Variants in USP3 observed in about 807,000 individuals in gnomAD.
USP3 encodes ubiquitin carboxyl-terminal hydrolase 3.
In USP3, 20 loss-of-function variants were observed where a neutral mutation model predicts 72.3. The ratio of observed to expected loss-of-function variants is 0.28; its 90% confidence interval spans 0.19 to 0.40. The LOEUF (loss-of-function observed/expected upper bound fraction) is 0.40, where lower values mean the gene tolerates loss of function less well. Among genes scored for constraint, USP3 ranks in the 10% least tolerant of loss-of-function variants. The pLI, the probability that USP3 is intolerant of heterozygous loss-of-function variation, is 1.00. For missense variants in USP3, 479 were observed against 633.9 expected (o/e 0.76, Z 2.62); for synonymous variants, 222 against 225.3 (o/e 0.99, Z 0.13).
At chr15:63,581,741 C>A (rs1378676308) in intron 11 of USP3, among the ~76,000 whole-genome samples, 1 of 150,882 alleles carries the variant, frequency 6.6e-6, no homozygotes, top group Non-Finnish European at 1.5e-5. Flanking sequence ...GTTGCCCAGG[C>A]TAGAGTGCAG....
At position 63,588,048 on chromosome 15, in the gene USP3, A is replaced by G; in HGVS notation, c.1097-257A>G. On this transcript the variant is annotated intron_variant, in intron 11 of 14. Transcript: ENST00000380324. The surrounding 1 kb of genome is among the most constrained non-coding windows in gnomAD (Gnocchi z 4.6). ...GAATTATCCAGATGAATTATCATTAATAGTAAAACCAACACAATTGATCAT... is the reference window on the plus strand; with the variant it reads ...GAATTATCCAGATGAATTATCATTAGTAGTAAAACCAACACAATTGATCAT... The G allele has an allele frequency of 3.3e-6, 1 of 302,148 alleles. No homozygotes were observed. The highest frequency in any genetic ancestry group is 6.1e-6 in the Non-Finnish European group (1 of 164,268). 18.7% of individuals were successfully genotyped at this position (302,148 alleles called of 1,614,324 possible).
At chr15:63,518,077 A>G (rs1346056272) in intron 1 of USP3, among the ~76,000 whole-genome samples, 1 of 152,144 alleles carries the variant, frequency 6.6e-6, no homozygotes, top group Non-Finnish European at 1.5e-5. Context: ...ATCATTTGTA[A>G]TCCTGTTTTT....
intron 3 of USP3, 41 bp downstream of exon 3, chr15:63,537,197 G>T (rs1223412121): frequency 6.3e-7 from 1 of 1,592,598 alleles, no homozygotes; most frequent in East Asian, 2.3e-5. Flanking sequence ...CTTACTGTGT[G>T]CAAGTGTGCT....
At position 63,504,642 on chromosome 15, in the gene USP3, C is replaced by T. The variant is rs1005560354; in HGVS notation, c.-98C>T. On this transcript the variant is annotated 5_prime_UTR_variant, in exon 1 of 15. Coordinates refer to ENST00000380324, the MANE Select transcript of USP3 (RefSeq NM_006537.4). ...ACGCAGCCGCCGTCGGCCGAGCGCC[C>T]GGCTAGAAGCGACACCAGACGGAGC... 21 of 1,082,412 alleles carry T rather than the reference C, an allele frequency of 1.9e-5. No individual in the cohort carries two copies. The African/African-American group carries it at 2.3e-4, about 12-fold the overall frequency. The allele number at this position is 1,082,412 out of a possible 1,614,324, so 67.1% of individuals were successfully genotyped here.
intron 8 of USP3, among the ~76,000 whole-genome samples, chr15:63,568,811 T>C (rs886859376): frequency 3.3e-5 from 5 of 152,212 alleles, no homozygotes; most frequent in Non-Finnish European, 5.9e-5. Flanking sequence ...ATTTCACAAG[T>C]TGAAATAGAC....
intron 2 of USP3, among the ~76,000 whole-genome samples, chr15:63,532,997 T>C (rs1275311767): frequency 2.0e-5 from 3 of 152,230 alleles, no homozygotes; most frequent in Non-Finnish European, 2.9e-5. Context: ...ATTCTTGAAG[T>C]ACAAATTTAC....
chr15:63,590,888 TACTTGATACAAGA>T lies in USP3; in HGVS notation c.*63_*75del. ...AGAAACATTTCCAGTTTTCCACAAA[TACTTGATACAAGA>T]TTTAATTTCATTATGCACTTTTCAA... On this transcript the variant is annotated 3_prime_UTR_variant, in exon 15 of 15. Coordinates refer to ENST00000380324, the MANE Select transcript of USP3 (RefSeq NM_006537.4). 1 of 1,496,400 alleles carries T rather than the reference TACTTGATACAAGA, an allele frequency of 6.7e-7. No individual in the cohort carries two copies. Among genetic ancestry groups the T allele is most frequent in the South Asian group, 1.4e-5 (1 of 73,398 alleles). 92.7% of individuals were successfully genotyped at this position (1,496,400 alleles called of 1,614,324 possible).
Position 63,529,673 on chromosome 15 carries a change from G to A in USP3, c.92-2974G>A, listed in dbSNP as rs745406690. Among the ~76,000 whole-genome samples the A allele has an allele frequency of 1.3e-5, 2 of 152,182 alleles. No homozygotes were observed. Among genetic ancestry groups the A allele is most frequent in the Non-Finnish European group, 2.9e-5 (2 of 68,032 alleles). On this transcript the variant is annotated intron_variant, in intron 1 of 14. Coordinates refer to ENST00000380324, the MANE Select transcript of USP3 (RefSeq NM_006537.4). This position sits in a 1 kb window ranked among gnomAD's most constrained non-coding sequence, Gnocchi z 4.2. The stretch of plus-strand genomic sequence containing the variant: ...GGAAAAGGAGATCACCAAATTGTGT[G>A]TACTGTGTGTAGGTTTACAACCCTA...
chr15:63,505,883 T>A lies in USP3; in HGVS notation c.91+1053T>A, dbSNP rs375647396. 3.3e-5 allele frequency among the ~76,000 whole-genome samples: 5 copies of A among 152,280 alleles called. No homozygotes were observed. The East Asian group carries it at 9.6e-4, about 29-fold the overall frequency. On this transcript the variant is annotated intron_variant, in intron 1 of 14. Transcript: ENST00000380324. ...AAGAAATATAGAAAAACGGCAATGG[T>A]ATGATTTAGCTGTGACATGTCTCAT... is the stretch of plus-strand genomic sequence containing the variant.
chr15:63,543,267 A>G (rs1246716038), intron 3 of USP3, among the ~76,000 whole-genome samples: 1 of 152,146 alleles, frequency 6.6e-6, no homozygotes, highest in Non-Finnish European at 1.5e-5. Context: ...CGTGGTTTAC[A>G]TGATGGTCCT....
intron 11 of USP3, among the ~76,000 whole-genome samples, chr15:63,582,875 C>A (rs956457392): frequency 6.6e-6 from 1 of 151,610 alleles, no homozygotes; most frequent in African/African-American, 2.4e-5. Context: ...AGAGAGCAGT[C>A]TAGTATTTAT....
rs1005006466 is a variant in USP3 at position 63,570,228 on chromosome 15, T to A, written c.762-205T>A. ...CCAATTAGCTCCAATATTTTTTGGT[T>A]TTCAAACCTATCTTAAACAGTAGAA... On this transcript the variant is annotated intron_variant, in intron 8 of 14. Transcript: ENST00000380324. This position sits in a 1 kb window ranked among gnomAD's most constrained non-coding sequence, Gnocchi z 4.4. 2.6e-5 allele frequency among the ~76,000 whole-genome samples: 4 copies of A among 152,232 alleles called. No individual in the cohort carries two copies. Among genetic ancestry groups the A allele is most frequent in the African/African-American group, 9.6e-5 (4 of 41,460 alleles).
At chr15:63,581,302 G>A (rs1241149573) in intron 11 of USP3, among the ~76,000 whole-genome samples, 1 of 151,416 alleles carries the variant, frequency 6.6e-6, no homozygotes, top group Admixed American at 6.6e-5. Context: ...TCCCCTTAAA[G>A]AAATATATTT....
At chr15:63,536,918 T>TA in intron 2 of USP3, 107 bp from the exon 3 acceptor site, 1 of 1,215,606 alleles carries the variant, frequency 8.2e-7, no homozygotes, top group Admixed American at 2.7e-5. Flanking sequence ...TGACTGCTGT[T>TA]ATAGGATTTC....
In USP3 at chr15:63,593,830, G is replaced by C. The variant is rs1595789031; in HGVS notation, c.*3004G>C. On this transcript the variant is annotated 3_prime_UTR_variant, in exon 15 of 15. Coordinates refer to ENST00000380324, the MANE Select transcript of USP3 (RefSeq NM_006537.4). ...TCTCCAGCAATATATGTGGCTTCTG[G>C]CTCAGAGCTTCTGCTGAGGCAGGGC... 6.6e-6 allele frequency: 1 copy of C among 152,206 alleles called. No homozygotes were observed. The highest frequency in any genetic ancestry group is 1.9e-4 in the East Asian group (1 of 5,196). The allele number at this position is 152,206 out of a possible 1,614,324, so 9.4% of individuals were successfully genotyped here. A position where few individuals can be genotyped will look rare whatever the true frequency, so the allele number is the denominator to read the frequency against.
intron 6 of USP3, among the ~76,000 whole-genome samples, chr15:63,559,551 G>A (rs1230143137): frequency 1.1e-4 from 17 of 152,322 alleles, no homozygotes; most frequent in Non-Finnish European, 1.3e-4. Flanking sequence ...ACAAGCAACC[G>A]AAAAGAAAGA....
At position 63,510,329 on chromosome 15, in the gene USP3, G is replaced by A. The variant is rs181414783; in HGVS notation, c.91+5499G>A. On this transcript the variant is annotated intron_variant, in intron 1 of 14. Coordinates refer to ENST00000380324, the MANE Select transcript of USP3 (RefSeq NM_006537.4). ...ACATTTCCCCTAACCTAACCTGCTC[G>A]TTTTTTTTCTTTTTGAGCTTTTCTC... is the stretch of plus-strand genomic sequence containing the variant. Among the ~76,000 whole-genome samples, 370 of 151,704 alleles carry A rather than the reference G, an allele frequency of 2.4e-3. 1 individual carries two copies. The highest frequency in any genetic ancestry group is 3.9e-3 in the Non-Finnish European group (265 of 67,830).
At position 63,530,613 on chromosome 15, in the gene USP3, C is replaced by T. The variant is rs1246823236; in HGVS notation, c.92-2034C>T. ...CAGGCACGTACCAGTGCACCTGGCC[C>T]CAAAGTTCTTAATATTTACTAAGAG... is the stretch of plus-strand genomic sequence containing the variant. On this transcript the variant is annotated intron_variant, in intron 1 of 14. Transcript: ENST00000380324. 1.2e-5 allele frequency: 5 copies of T among 433,678 alleles called. No individual in the cohort carries two copies. In the Admixed American group the frequency reaches 1.3e-4, roughly 11 times the overall value. 26.9% of individuals were successfully genotyped at this position (433,678 alleles called of 1,614,324 possible).
chr15:63,511,269 A>AAAAAAAAAAAAAAAAAAAG, intron 1 of USP3, among the ~76,000 whole-genome samples: 1 of 148,646 alleles, frequency 6.7e-6, no homozygotes, highest in Admixed American at 6.7e-5. Flanking sequence ...TTTTTCTTAA[A>AAAAAAAAAAAAAAAAAAAG]AAAAAAAAAA....
Sources: allele counts gnomAD v4.1 joint callset (sites outside exome capture counted in the v4.1 genomes callset), GRCh38; gene constraint gnomAD v4.1.1; non-coding constraint Gnocchi (gnomAD v3.1); transcripts MANE v1.5; gene names NCBI Gene and HGNC (gene_info 2026-07-23, HGNC 2026-07-21).